TSC2: variants seen among roughly 807,000 people sequenced by gnomAD.
TSC2 encodes the protein TSC complex subunit 2, also known as tuberin.
Under a neutral mutation model 202.2 loss-of-function variants are expected in TSC2, and 29 were observed. The observed-to-expected ratio is 0.14, with a 90% CI of 0.11 to 0.20. TSC2 has a LOEUF of 0.20. Ranked by LOEUF, TSC2 falls within the 10% of genes least tolerant of loss-of-function variation. The pLI is 1.00. For synonymous variants in TSC2, 1,349 were observed against 1,044.0 expected (o/e 1.29, Z -5.63); for missense variants, 2,429 against 2,420.0 (o/e 1.00, Z -0.08).
chr16:2,076,084 G>A lies in TSC2; in HGVS notation c.2656G>A (p.Val886Met), dbSNP rs999523698. ...TNPSKFNQYI[V>M]CLAHHVIAMW... ...TCATCTCAGGTTTAATCAGTACATC[G>A]TGTGTCTGGCCCATCACGTCATAGC... The change falls in exon 24 of 42, where the codon GTG becomes ATG. Residue 886 changes from valine (V) to methionine (M), a missense_variant. Physicochemically the swap from Val to Met is conservative, Grantham distance 21 (BLOSUM62 1). Coordinates refer to ENST00000219476, the MANE Select transcript of TSC2 (RefSeq NM_000548.5). 8.7e-6 allele frequency: 14 copies of A among 1,613,890 alleles called. No individual in the cohort carries two copies. Among genetic ancestry groups the A allele is most frequent in the Non-Finnish European group, 1.2e-5 (14 of 1,180,022 alleles).
At chr16:2,086,099 G>A in intron 36 of TSC2, 94 bp from the exon 37 acceptor site, 1 of 1,469,764 alleles carries the variant, frequency 6.8e-7, no homozygotes, top group Non-Finnish European at 9.4e-7. Context: ...ATCAGAGTGG[G>A]GCTCCCGGCA....
Position 2,062,511 on chromosome 16 carries a change from G to A in TSC2, c.1272G>A (p.Leu424=). The A allele has an allele frequency of 6.2e-7, 1 of 1,611,160 alleles. No homozygotes were observed. Among genetic ancestry groups the A allele is most frequent in the Non-Finnish European group, 8.5e-7 (1 of 1,178,614 alleles). ...CADQRPESSL[L]NLISYRAQSI... is the part of the protein sequence containing the mutation. Reference sequence around the variant, plus strand: ...TCTTTTGACAGGAGTCCTCCCTCCTGAACCTGATCTCCTATAGAGCGCAGT... The same window carrying A: ...TCTTTTGACAGGAGTCCTCCCTCCTAAACCTGATCTCCTATAGAGCGCAGT... The change falls in exon 13 of 42, where the codon CTG becomes CTA. Residue 424 remains leucine, a synonymous_variant. Transcript: ENST00000219476.
Position 2,062,488 on chromosome 16 carries a change from T to G in TSC2, c.1258-9T>G, listed in dbSNP as rs377188047. ...GGCAGAGGGGCAACACCGGCTCTTC[T>G]TTTGACAGGAGTCCTCCCTCCTGAA... On this transcript the variant is annotated splice_polypyrimidine_tract_variant and intron_variant, in intron 12 of 41. Coordinates refer to ENST00000219476, the MANE Select transcript of TSC2 (RefSeq NM_000548.5). The G allele has an allele frequency of 1.2e-6, 2 of 1,606,096 alleles. No homozygotes were observed. Among genetic ancestry groups the G allele is most frequent in the African/African-American group, 2.7e-5 (2 of 74,850 alleles).
chr16:2,048,588 G>C lies in TSC2; in HGVS notation c.-28G>C, dbSNP rs1490854448. 1.2e-6 allele frequency: 2 copies of C among 1,613,658 alleles called. No individual in the cohort carries two copies. Among genetic ancestry groups the C allele is most frequent in the Admixed American group, 3.3e-5 (2 of 60,020 alleles). Reference sequence around the variant, plus strand: ...CCCATTCCTGTTTCGTTTGCACAGAGGGGTTTTCTGGTGCGTCCTGGTCCA... The same window carrying C: ...CCCATTCCTGTTTCGTTTGCACAGACGGGTTTTCTGGTGCGTCCTGGTCCA... On this transcript the variant is annotated splice_region_variant and 5_prime_UTR_variant, in exon 2 of 42. Coordinates refer to ENST00000219476, the MANE Select transcript of TSC2 (RefSeq NM_000548.5).
chr16:2,082,677 G>A (rs999852347), intron 32 of TSC2, 173 bp downstream of exon 32: 25 of 734,538 alleles, frequency 3.4e-5, no homozygotes, highest in East Asian at 5.4e-5. Flanking sequence ...CTTGGCCAGC[G>A]GGATCCCCTT....
chr16:2,071,564 C>T lies in TSC2; in HGVS notation c.1894C>T (p.Pro632Ser), dbSNP rs2088396220. Residue 632 changes from proline to serine, a missense_variant, in exon 18 of 42, where the codon CCC becomes TCC. By Grantham distance (74) the Pro-to-Ser change is moderately conservative (BLOSUM62 -1). Coordinates refer to ENST00000219476, the MANE Select transcript of TSC2 (RefSeq NM_000548.5). ...CGACTCACTGCACCGCCTGGGCCTG[C>T]CCAACAAGGATGGAGTCGTGCGGTT... ...RADSLHRLGL[P>S]NKDGVVRFSP... 6.2e-7 allele frequency: 1 copy of T among 1,613,552 alleles called. No individual in the cohort carries two copies. The highest frequency in any genetic ancestry group is 8.5e-7 in the Non-Finnish European group (1 of 1,180,012).
rs774759789 is a variant in TSC2 at position 2,072,859 on chromosome 16, C to G, written c.2231C>G (p.Pro744Arg). 1 of 1,613,624 alleles carries G rather than the reference C, an allele frequency of 6.2e-7. No homozygotes were observed. Among genetic ancestry groups the G allele is most frequent in the Non-Finnish European group, 8.5e-7 (1 of 1,180,022 alleles). Reference protein sequence around the residue: ...CSALCSMLSGPKTLERLRGAP... With the variant: ...CSALCSMLSGRKTLERLRGAP... ...GGATTTGGTCATCAGCTTTCAGGCC[C>G]AAAGACACTGGAGCGGCTCCGAGGC... is the stretch of plus-strand genomic sequence containing the variant. The change falls in exon 21 of 42, where the codon CCA (proline) becomes CGA (arginine). Residue 744 changes from proline (P) to arginine (R), a missense_variant. Transcript: ENST00000219476.
rs2089403036 is a variant in TSC2, at chr16:2,076,503, A to G, written c.2755A>G (p.Asn919Asp). ...CTCACTCTGCCAGGGCCTGCGGTCC[A>G]ATGTCCTCTTGTCTTTTGATGACAC... is the stretch of plus-strand genomic sequence containing the variant. ...VPFITKGLRS[N>D]VLLSFDDTPE... is the part of the protein sequence containing the mutation. The change falls in exon 25 of 42, where the codon AAT becomes GAT. Residue 919 changes from asparagine (N) to aspartate (D), a missense_variant. Physicochemically the swap from Asn to Asp is conservative, Grantham distance 23. Transcript: ENST00000219476. 6.2e-7 allele frequency: 1 copy of G among 1,613,464 alleles called. No individual in the cohort carries two copies. The highest frequency in any genetic ancestry group is 8.5e-7 in the Non-Finnish European group (1 of 1,179,960).
At position 2,065,412 on chromosome 16, in the gene TSC2, CAAAAAAAAAAAAAAA is replaced by C. The variant is rs369052665; in HGVS notation, c.1600-97_1600-83del. The C allele has an allele frequency of 0.077, 33,072 of 427,176 alleles. 2,091 individuals carry two copies. Among genetic ancestry groups the C allele is most frequent in the African/African-American group, 0.14 (4,553 of 31,544 alleles). 26.5% of individuals were successfully genotyped at this position (427,176 alleles called of 1,614,324 possible). A position where few individuals can be genotyped will look rare whatever the true frequency, so the allele number is the denominator to read the frequency against. The stretch of plus-strand genomic sequence containing the variant: ...TGGGCGACAGAGCAAGACTCGATCT[CAAAAAAAAAAAAAAA>C]AAAAAAAAAGGTGTTTGTGGTAGAA... On this transcript the variant is annotated intron_variant, in intron 15 of 41. Coordinates refer to ENST00000219476, the MANE Select transcript of TSC2 (RefSeq NM_000548.5).
chr16:2,052,500 G>C (rs1286971599), intron 3 of TSC2, among the ~76,000 whole-genome samples: 2 of 152,126 alleles, frequency 1.3e-5, no homozygotes, highest in African/African-American at 2.4e-5. Flanking sequence ...TGTCGTGACA[G>C]GGTCTCACTG....
intron 3 of TSC2, among the ~76,000 whole-genome samples, chr16:2,052,996 A>ACTTC (rs1304773414): frequency 6.6e-6 from 1 of 152,098 alleles, no homozygotes; most frequent in Non-Finnish European, 1.5e-5. Flanking sequence ...CTGTCCCATG[A>ACTTC]CTTCCTGCCA....
At chr16:2,074,571 G>A (rs1050166344) in intron 22 of TSC2, 182 bp downstream of exon 22, 4 of 735,902 alleles carry the variant, frequency 5.4e-6, no homozygotes, top group African/African-American at 5.2e-5. Flanking sequence ...GCTTTGAGGG[G>A]CGGCTCCTCT....
rs144647393 is a variant in TSC2 at position 2,086,455 on chromosome 16, G to A, written c.4849+76G>A. Reference sequence around the variant, plus strand: ...CTCCCATCCAGTCCTGCTACCCCACGCCCTGGGGCATGGCCCTGGCACCCC... The same window carrying A: ...CTCCCATCCAGTCCTGCTACCCCACACCCTGGGGCATGGCCCTGGCACCCC... On this transcript the variant is annotated intron_variant, in intron 37 of 41. Coordinates refer to ENST00000219476, the MANE Select transcript of TSC2 (RefSeq NM_000548.5). The A allele has an allele frequency of 2.2e-3, 3,390 of 1,559,492 alleles. 73 individuals are homozygous for A. In the African/African-American group the frequency reaches 0.041, roughly 19 times the overall value.
intron 16 of TSC2, among the ~76,000 whole-genome samples, chr16:2,067,181 C>A (rs1451745652): frequency 2.0e-5 from 3 of 149,030 alleles, no homozygotes; most frequent in Admixed American, 2.0e-4. Flanking sequence ...TTTTTTGAGA[C>A]AAGATCTCAC....
chr16:2,077,187 G>A (rs1022741941), intron 25 of TSC2, among the ~76,000 whole-genome samples: 1 of 152,218 alleles, frequency 6.6e-6, no homozygotes, highest in Non-Finnish European at 1.5e-5. Flanking sequence ...TCTTTTCCTA[G>A]TGACCTTCAG....
chr16:2,050,832 A>G (rs1408442408), intron 3 of TSC2, among the ~76,000 whole-genome samples: 1 of 150,970 alleles, frequency 6.6e-6, no homozygotes, highest in Admixed American at 6.6e-5. Context: ...CGTGAACCAT[A>G]TGCCTCAGCC....
intron 32 of TSC2, chr16:2,083,102 C>G (rs992682113): frequency 1.5e-5 from 7 of 455,132 alleles, no homozygotes; most frequent in African/African-American, 1.4e-4. Context: ...GTGTGCAGGG[C>G]TGTGGGGCGC....
At chr16:2,053,159 G>A (rs2085335362) in intron 3 of TSC2, among the ~76,000 whole-genome samples, 183 bp from the exon 4 acceptor site, 1 of 152,320 alleles carries the variant, frequency 6.6e-6, no homozygotes, top group African/African-American at 2.4e-5. Context: ...GCCGTTCCCT[G>A]TACGAAGCCT....
chr16:2,079,436 C>T lies in TSC2; in HGVS notation c.3284+8C>T, dbSNP rs2089849102. ...GTCCGGCCCGGAGTCGAGGTGACTG[C>T]ACCTTCCTTTCCTCCGCGCCTGCCA... is the stretch of plus-strand genomic sequence containing the variant. On this transcript the variant is annotated splice_region_variant and intron_variant, in intron 28 of 41. Transcript: ENST00000219476. The surrounding 1 kb of genome is among the most constrained non-coding windows in gnomAD (Gnocchi z 4.6). 2.5e-6 allele frequency: 4 copies of T among 1,612,752 alleles called. No homozygotes were observed. Among genetic ancestry groups the T allele is most frequent in the East Asian group, 2.2e-5 (1 of 44,876 alleles).
Sources: allele counts gnomAD v4.1 joint callset (sites outside exome capture counted in the v4.1 genomes callset), GRCh38; gene constraint gnomAD v4.1.1; non-coding constraint Gnocchi (gnomAD v3.1); transcripts MANE v1.5; gene names NCBI Gene and HGNC (gene_info 2026-07-23, HGNC 2026-07-21).